Variants in CCDC28B observed in about 807,000 individuals in gnomAD.
CCDC28B encodes the protein coiled-coil domain containing 28B.
In CCDC28B, 17 loss-of-function variants were observed where a neutral mutation model predicts 18.7. That is an observed-to-expected ratio of 0.91 (90% CI 0.62 to 1.36). The LOEUF is 1.36. Ranked by LOEUF, CCDC28B falls within the 40% of genes most tolerant of loss-of-function variation. The probability of loss-of-function intolerance (pLI) is 0.00; values close to 1 mark genes in which losing one functional copy is unlikely to be tolerated. For synonymous variants in CCDC28B, 116 were observed against 105.1 expected, an observed-to-expected ratio of 1.10 and a Z score of -0.64; for missense variants, 213 against 251.7, an observed-to-expected ratio of 0.85 and a Z score of 1.04.
At chr1:32,201,451 A>G (rs895389332) in intron 1 of CCDC28B, among the ~76,000 whole-genome samples, 3 of 151,926 alleles carry the variant, frequency 2.0e-5, no homozygotes, top group African/African-American at 4.8e-5. Flanking sequence ...AGGCGCCCCT[A>G]CCTGCACCTT....
chr1:32,202,772 G>A (rs573495194), intron 2 of CCDC28B: 1 of 156,336 alleles, frequency 6.4e-6, no homozygotes, highest in South Asian at 1.9e-4. Context: ...TTTTAAGACA[G>A]TTTTTTTGGT....
rs1411798248 is a variant in CCDC28B, at chr1:32,202,170, G to A, written c.164+71G>A. ...TTGCACTGTAGAGAGGAAGGCAAGG[G>A]GGGCCTCCGCCTTTAGTTCCTAAGC... On this transcript the variant is annotated intron_variant, in intron 2 of 5. Coordinates refer to ENST00000373602, the MANE Select transcript of CCDC28B (RefSeq NM_024296.5). 5.1e-6 allele frequency: 8 copies of A among 1,582,676 alleles called. No individual in the cohort carries two copies. The African/African-American group carries it at 9.4e-5, about 19-fold the overall frequency.
chr1:32,204,958 G>C lies in CCDC28B; in HGVS notation c.549-236G>C. 2.2e-6 allele frequency: 3 copies of C among 1,362,474 alleles called. No homozygotes were observed. In the African/African-American group the frequency reaches 4.4e-5, roughly 20 times the overall value. The allele number at this position is 1,362,474 out of a possible 1,614,324, so 84.4% of individuals were successfully genotyped here. A position where few individuals can be genotyped will look rare whatever the true frequency, so the allele number is the denominator to read the frequency against. The stretch of plus-strand genomic sequence containing the variant: ...ACACTACCACCTCACCTGGTCCTCA[G>C]TCAGAAACAGCGCGAGTGCGCGCGC... On this transcript the variant is annotated intron_variant, in intron 5 of 5. Transcript: ENST00000373602.
At chr1:32,203,835 A>C in intron 2 of CCDC28B, 44 bp from the exon 3 acceptor site, 3 of 1,453,196 alleles carry the variant, frequency 2.1e-6, no homozygotes, top group Non-Finnish European at 2.7e-6. Context: ...GAGGTGCCTG[A>C]CTGCCCCCTA....
At chr1:32,198,853 T>C (rs138767933), upstream of CCDC28B, among the ~76,000 whole-genome samples, 1 of 152,188 alleles carries the variant, frequency 6.6e-6, no homozygotes, top group African/African-American at 2.4e-5. Flanking sequence ...GGTGTTTCAA[T>C]AGGAAATTGA....
In CCDC28B at chr1:32,205,113, G is replaced by C; in HGVS notation, c.549-81G>C. 6.5e-7 allele frequency: 1 copy of C among 1,547,012 alleles called. No individual in the cohort carries two copies. Among genetic ancestry groups the C allele is most frequent in the South Asian group, 1.1e-5 (1 of 87,144 alleles). On this transcript the variant is annotated intron_variant, in intron 5 of 5. Coordinates refer to ENST00000373602, the MANE Select transcript of CCDC28B (RefSeq NM_024296.5). The surrounding 1 kb of genome is among the most constrained non-coding windows in gnomAD (Gnocchi z 5.6). The stretch of plus-strand genomic sequence containing the variant: ...CGTCCCCGGCCCTTTGCACAGGTGA[G>C]GGAACTAAACCTGTGCAAGATGGGA...
upstream of CCDC28B, among the ~76,000 whole-genome samples, chr1:32,199,536 G>A (rs1488664349): frequency 1.3e-5 from 2 of 152,168 alleles, no homozygotes; most frequent in African/African-American, 2.4e-5. Flanking sequence ...GGAAGGAGAG[G>A]GATTTCTGTT....
Position 32,204,209 on chromosome 1 carries a change from C to G in CCDC28B, c.355C>G (p.Leu119Val). 6.2e-7 allele frequency: 1 copy of G among 1,614,152 alleles called. No individual in the cohort carries two copies. Among genetic ancestry groups the G allele is most frequent in the Non-Finnish European group, 8.5e-7 (1 of 1,180,024 alleles). ...AFGKECSFEQ[L>V]EHVREMQEKL... ...AGGGAAGGAATGCTCCTTTGAGCAGCTGGAGCACGTTCGGGAGATGCAGGA... is the reference window on the plus strand; with the variant it reads ...AGGGAAGGAATGCTCCTTTGAGCAGGTGGAGCACGTTCGGGAGATGCAGGA... The change falls in exon 4 of 6, where the codon CTG (leucine) becomes GTG (valine). Residue 119 changes from leucine to valine, a missense_variant. Transcript: ENST00000373602.
upstream of CCDC28B, among the ~76,000 whole-genome samples, chr1:32,198,697 T>G (rs1643079209): frequency 2.6e-5 from 4 of 152,064 alleles, no homozygotes; most frequent in South Asian, 8.3e-4. Flanking sequence ...ACAGGGCAGG[T>G]AGAAGATGAA....
At chr1:32,201,038 C>G (rs919105241) in intron 1 of CCDC28B, among the ~76,000 whole-genome samples, 44 of 151,736 alleles carry the variant, frequency 2.9e-4, no homozygotes, top group Admixed American at 1.4e-3. Context: ...CCCCCCCAAC[C>G]CCCCCAGTCC....
chr1:32,200,156 C>A (rs909444176), upstream of CCDC28B, among the ~76,000 whole-genome samples: 1 of 152,182 alleles, frequency 6.6e-6, no homozygotes, highest in African/African-American at 2.4e-5. Context: ...TGCTTACTTT[C>A]AGTAGAATGG....
chr1:32,202,262 C>T, intron 2 of CCDC28B, 163 bp downstream of exon 2: 8 of 938,692 alleles, frequency 8.5e-6, no homozygotes, highest in Non-Finnish European at 1.3e-5. Context: ...AGTCCCTACC[C>T]TCAACTGTGT....
intron 2 of CCDC28B, among the ~76,000 whole-genome samples, chr1:32,203,577 C>T (rs1003980413): frequency 6.6e-6 from 1 of 152,162 alleles, no homozygotes; most frequent in Non-Finnish European, 1.5e-5. Context: ...ATAAGTGACT[C>T]ATTCAGGGTC....
intron 5 of CCDC28B, chr1:32,204,950 G>C (rs535338154): frequency 6.5e-6 from 9 of 1,389,448 alleles, no homozygotes; most frequent in Non-Finnish European, 8.7e-6. Flanking sequence ...CACCTCACCT[G>C]GTCCTCAGTC....
chr1:32,201,129 G>C (rs890454151), intron 1 of CCDC28B, among the ~76,000 whole-genome samples: 13 of 152,120 alleles, frequency 8.5e-5, no homozygotes, highest in African/African-American at 2.2e-4. Context: ...CGGAGGCTTG[G>C]GGGGCGCTGC....
Position 32,202,038 on chromosome 1 carries a change from G to A in CCDC28B, c.103G>A (p.Gly35Ser), listed in dbSNP as rs754536130. 37 of 1,613,854 alleles carry A rather than the reference G, an allele frequency of 2.3e-5. No individual in the cohort carries two copies. The East Asian group carries it at 3.8e-4, about 17-fold the overall frequency. The change falls in exon 2 of 6, where the codon GGC becomes AGC. Residue 35 changes from glycine (G) to serine (S), a missense_variant. Gly to Ser is a moderately conservative substitution (Grantham distance 56, BLOSUM62 0). Transcript: ENST00000373602. ...RRVPVPTSHS[G>S]SLALGLPHLP... ...GGTCCCTGTGCCTACCAGCCACAGC[G>A]GCTCCTTGGCCCTAGGACTTCCTCA...
chr1:32,202,250 C>G (rs1643163538), intron 2 of CCDC28B, 151 bp downstream of exon 2: 2 of 976,626 alleles, frequency 2.0e-6, no homozygotes, highest in Non-Finnish European at 3.2e-6. Context: ...TCACTCAGAC[C>G]CAGTCCCTAC....
At chr1:32,199,021 T>C (rs796443796), upstream of CCDC28B, among the ~76,000 whole-genome samples, 14 of 152,278 alleles carry the variant, frequency 9.2e-5, no homozygotes, top group African/African-American at 3.4e-4. Flanking sequence ...GGGCCTCTAA[T>C]TGTATGCATT....
intron 1 of CCDC28B, among the ~76,000 whole-genome samples, chr1:32,200,912 G>A (rs1308154315): frequency 6.6e-6 from 1 of 152,136 alleles, no homozygotes; most frequent in South Asian, 2.1e-4. Context: ...TCCCTAATTG[G>A]GTCAAGCTGC....
Sources: gnomAD v4.1 joint callset for allele counts (sites outside exome capture counted in the v4.1 genomes callset) on GRCh38, gnomAD v4.1.1 for gene constraint, Gnocchi (gnomAD v3.1) non-coding constraint, MANE v1.5 for transcripts, NCBI Gene and HGNC (gene_info 2026-07-23, HGNC 2026-07-21) for gene names.